CACNA2D3: variants seen among roughly 807,000 people sequenced by gnomAD.
CACNA2D3 encodes the protein voltage-dependent calcium channel subunit alpha-2/delta-3.
In CACNA2D3, 60 loss-of-function variants were observed where a neutral mutation model predicts 160.6. That is an observed-to-expected ratio of 0.37 (90% CI 0.30 to 0.46). The LOEUF (loss-of-function observed/expected upper bound fraction) is 0.46. CACNA2D3 is among the 20% of genes least tolerant of loss of function. CACNA2D3 has a pLI of 1.00. For synonymous variants in CACNA2D3, 558 were observed against 492.9 expected, an observed-to-expected ratio of 1.13 and a Z score of -1.75; for missense variants, 1,205 against 1,365.0, an observed-to-expected ratio of 0.88 and a Z score of 1.85.
At chr3:54,941,401 A>G (rs1336774715) in intron 27 of CACNA2D3, among the ~76,000 whole-genome samples, 1 of 152,208 alleles carries the variant, frequency 6.6e-6, no homozygotes, top group Non-Finnish European at 1.5e-5. Context: ...CAGAAAACAT[A>G]TGGATCCTGA....
At chr3:54,815,275 T>C (rs1265682596) in intron 13 of CACNA2D3, among the ~76,000 whole-genome samples, 1 of 152,172 alleles carries the variant, frequency 6.6e-6, no homozygotes, top group East Asian at 1.9e-4. Context: ...GTGTTGGAAA[T>C]TGAGTGTTGG....
chr3:54,989,810 A>G (rs1284363258), intron 31 of CACNA2D3, among the ~76,000 whole-genome samples: 1 of 152,114 alleles, frequency 6.6e-6, no homozygotes, highest in East Asian at 1.9e-4. Context: ...AGCACCAGGT[A>G]TTGCTTCATC....
At chr3:54,725,714 C>T (rs570763714) in intron 11 of CACNA2D3, among the ~76,000 whole-genome samples, 1 of 152,124 alleles carries the variant, frequency 6.6e-6, no homozygotes, top group Admixed American at 6.6e-5. Flanking sequence ...ATTCAACACC[C>T]CTTCATGCCC....
At chr3:54,801,999 G>C (rs1364114890) in intron 13 of CACNA2D3, among the ~76,000 whole-genome samples, 1 of 152,128 alleles carries the variant, frequency 6.6e-6, no homozygotes, top group Non-Finnish European at 1.5e-5. Context: ...ATTAGAATGA[G>C]GACATGACTA....
rs550782248 is a variant in CACNA2D3, at chr3:54,856,901, C to T, written c.1626+10434C>T. On this transcript the variant is annotated intron_variant, in intron 17 of 37. Transcript: ENST00000474759. ...GTTCAAGCAGTTCTCCTGCCTCAGC[C>T]TCCTGAGTAGCTGGCATTACAGGCA... Among the ~76,000 whole-genome samples the T allele has an allele frequency of 1.1e-4, 16 of 152,276 alleles. No individual in the cohort carries two copies. The South Asian group carries it at 3.3e-3, about 32-fold the overall frequency.
chr3:54,939,038 C>A (rs765968759), intron 27 of CACNA2D3, among the ~76,000 whole-genome samples: 6 of 152,192 alleles, frequency 3.9e-5, no homozygotes, highest in Non-Finnish European at 8.8e-5. Context: ...GATGCTACCT[C>A]TCCATTTGGG....
intron 2 of CACNA2D3, among the ~76,000 whole-genome samples, chr3:54,295,243 A>G (rs59771874): frequency 0.31 from 47,736 of 151,966 alleles, 8,077 homozygotes; most frequent in East Asian, 0.53. Flanking sequence ...GAGGGTAGAC[A>G]TGACTTGTAG....
intron 11 of CACNA2D3, among the ~76,000 whole-genome samples, chr3:54,717,513 CGTGT>C (rs140092514): frequency 6.7e-6 from 1 of 150,084 alleles, no homozygotes. Context: ...TCTGTGTATG[CGTGT>C]GTGTGTGTGG....
chr3:54,606,207 G>A (rs1322618621), intron 9 of CACNA2D3, among the ~76,000 whole-genome samples: 1 of 151,670 alleles, frequency 6.6e-6, no homozygotes, highest in African/African-American at 2.4e-5. Context: ...TCCTCCTATT[G>A]GCTTCTTGTT....
chr3:54,986,867 C>G (rs1277951869), intron 30 of CACNA2D3, among the ~76,000 whole-genome samples: 2 of 152,254 alleles, frequency 1.3e-5, no homozygotes, highest in East Asian at 1.9e-4. Context: ...CCATGCACTG[C>G]GTACGCCCTC....
chr3:54,958,000 A>C (rs1701943154), intron 27 of CACNA2D3, among the ~76,000 whole-genome samples: 1 of 152,184 alleles, frequency 6.6e-6, no homozygotes, highest in South Asian at 2.1e-4. Context: ...ACTCCCTGAG[A>C]ATAATTGATA....
intron 4 of CACNA2D3, among the ~76,000 whole-genome samples, chr3:54,431,058 G>T (rs1228154593): frequency 3.3e-5 from 5 of 152,112 alleles, no homozygotes; most frequent in Non-Finnish European, 7.4e-5. Context: ...ATCATAAGGG[G>T]CCTGGTGCGG....
chr3:54,778,429 G>C (rs930060833), intron 13 of CACNA2D3, among the ~76,000 whole-genome samples: 1 of 151,686 alleles, frequency 6.6e-6, no homozygotes, highest in Admixed American at 6.6e-5. Flanking sequence ...TGCAGGAAGT[G>C]ATCTCTTCCT....
At chr3:54,128,224 T>C (rs745583380) in intron 2 of CACNA2D3, among the ~76,000 whole-genome samples, 11 of 152,188 alleles carry the variant, frequency 7.2e-5, no homozygotes, top group Non-Finnish European at 1.6e-4. Flanking sequence ...CCAAACCACC[T>C]GATAATTCTG....
intron 35 of CACNA2D3, among the ~76,000 whole-genome samples, chr3:55,038,118 A>G (rs564403821): frequency 5.9e-5 from 9 of 152,350 alleles, no homozygotes; most frequent in Admixed American, 5.2e-4. Flanking sequence ...TGTTTTATCC[A>G]AATAGACATG....
At chr3:54,199,152 C>G (rs1701131546) in intron 2 of CACNA2D3, among the ~76,000 whole-genome samples, 1 of 152,102 alleles carries the variant, frequency 6.6e-6, no homozygotes, top group African/African-American at 2.4e-5. Context: ...TTTATTACAT[C>G]TTTAAACATA....
chr3:54,330,011 C>A (rs1271379321), intron 3 of CACNA2D3, among the ~76,000 whole-genome samples: 1 of 152,130 alleles, frequency 6.6e-6, no homozygotes, highest in African/African-American at 2.4e-5. Flanking sequence ...GTTAGGAATT[C>A]ATTGGCATTT....
intron 11 of CACNA2D3, among the ~76,000 whole-genome samples, chr3:54,686,023 T>C (rs1192320838): frequency 4.6e-5 from 7 of 152,232 alleles, no homozygotes; most frequent in African/African-American, 1.7e-4. Flanking sequence ...ACAGAAATAC[T>C]TTTACCATTG....
intron 11 of CACNA2D3, among the ~76,000 whole-genome samples, chr3:54,713,178 G>C (rs1401495821): frequency 6.6e-6 from 1 of 152,148 alleles, no homozygotes; most frequent in Non-Finnish European, 1.5e-5. Context: ...CAGGCTATTG[G>C]GAGTTCTGTC....
Sources: gnomAD v4.1 joint callset for allele counts (sites outside exome capture counted in the v4.1 genomes callset) on GRCh38, gnomAD v4.1.1 for gene constraint, MANE v1.5 for transcripts, NCBI Gene and HGNC (gene_info 2026-07-23, HGNC 2026-07-21) for gene names.